Variants in ARHGEF3 observed in about 807,000 individuals in gnomAD.
The protein encoded by ARHGEF3 is 59.8 kDA protein.
Under a neutral mutation model 63.2 loss-of-function variants are expected in ARHGEF3, and 28 were observed. That is an observed-to-expected ratio of 0.44 (90% CI 0.33 to 0.61). The LOEUF is 0.61. Ranked by LOEUF, ARHGEF3 falls within the 20% of genes least tolerant of loss-of-function variation. The pLI, the probability that ARHGEF3 is intolerant of heterozygous loss-of-function variation, is 0.03. For missense variants in ARHGEF3, 533 were observed against 659.3 expected (o/e 0.81, Z 2.10); for synonymous variants, 266 against 254.2 (o/e 1.05, Z -0.44).
chr3:56,759,411 C>T (rs927883634), intron 2 of ARHGEF3, among the ~76,000 whole-genome samples: 1 of 152,150 alleles, frequency 6.6e-6, no homozygotes, highest in African/African-American at 2.4e-5. Context: ...CCTCGTGATC[C>T]GCCTGCCTTG....
intron 4 of ARHGEF3, among the ~76,000 whole-genome samples, chr3:56,832,910 T>G (rs1191468653): frequency 6.6e-6 from 1 of 152,258 alleles, no homozygotes; most frequent in Admixed American, 6.5e-5. Context: ...TTATTTTGCT[T>G]GGCATAGCGT....
intron 1 of ARHGEF3, among the ~76,000 whole-genome samples, chr3:56,787,478 A>C (rs2036877077): frequency 2.6e-5 from 4 of 152,168 alleles, no homozygotes; most frequent in Admixed American, 2.6e-4. Flanking sequence ...AGGGAAGCCT[A>C]GGAAAGGAAA....
chr3:57,044,009 C>T (rs1560157610), intron 1 of ARHGEF3, among the ~76,000 whole-genome samples: 1 of 152,196 alleles, frequency 6.6e-6, no homozygotes, highest in Non-Finnish European at 1.5e-5. Context: ...TTGTCAGCTC[C>T]ACCACTCACA....
intron 1 of ARHGEF3, among the ~76,000 whole-genome samples, chr3:56,778,357 A>G (rs777111684): frequency 1.3e-5 from 2 of 152,218 alleles, no homozygotes; most frequent in Non-Finnish European, 2.9e-5. Flanking sequence ...GGCTGACTCC[A>G]GAGCCCATGC....
At chr3:56,883,724 C>G (rs1177911813) in intron 3 of ARHGEF3, among the ~76,000 whole-genome samples, 1 of 152,202 alleles carries the variant, frequency 6.6e-6, no homozygotes, top group Non-Finnish European at 1.5e-5. Context: ...AGTCCCTAAC[C>G]TGTGACTTGC....
intron 4 of ARHGEF3, among the ~76,000 whole-genome samples, chr3:56,861,739 T>C (rs1209482375): frequency 6.6e-6 from 1 of 151,828 alleles, no homozygotes; most frequent in Admixed American, 6.6e-5. Flanking sequence ...AAGAGTAGAG[T>C]CTGCCACTGC....
At chr3:56,878,745 G>A (rs1452939747) in intron 4 of ARHGEF3, among the ~76,000 whole-genome samples, 1 of 152,164 alleles carries the variant, frequency 6.6e-6, no homozygotes, top group Admixed American at 6.5e-5. Flanking sequence ...TCCCTGTTCT[G>A]TAAGAATAAC....
At chr3:56,961,081 G>A (rs1002121565) in intron 2 of ARHGEF3, among the ~76,000 whole-genome samples, 2 of 152,088 alleles carry the variant, frequency 1.3e-5, no homozygotes, top group African/African-American at 4.8e-5. Flanking sequence ...TTACAGATGT[G>A]CCCAGGACTA....
chr3:57,022,553 C>A (rs544182095), intron 2 of ARHGEF3, among the ~76,000 whole-genome samples: 1 of 152,178 alleles, frequency 6.6e-6, no homozygotes, highest in Non-Finnish European at 1.5e-5. Context: ...TTCTTGTGCT[C>A]TGCCACATTT....
intron 2 of ARHGEF3, among the ~76,000 whole-genome samples, chr3:56,973,178 G>A (rs1042503138): frequency 2.2e-4 from 34 of 151,952 alleles, no homozygotes; most frequent in South Asian, 2.1e-4. Flanking sequence ...CACCACGCCC[G>A]GCTAATTTTT....
At chr3:56,944,568 CTTTTTTTT>C (rs1205155655) in intron 3 of ARHGEF3, among the ~76,000 whole-genome samples, 8 of 65,834 alleles carry the variant, frequency 1.2e-4, no homozygotes, top group African/African-American at 1.7e-4. Context: ...AAAGTGGTTT[CTTTTTTTT>C]TTTTTTTTTT....
chr3:56,960,000 T>C (rs145832831), intron 2 of ARHGEF3, among the ~76,000 whole-genome samples: 2 of 152,180 alleles, frequency 1.3e-5, no homozygotes, highest in Non-Finnish European at 2.9e-5. Flanking sequence ...CCCCAAAAGG[T>C]TGGTTACACA....
At chr3:56,845,540 T>A (rs985894583) in intron 4 of ARHGEF3, among the ~76,000 whole-genome samples, 1 of 152,224 alleles carries the variant, frequency 6.6e-6, no homozygotes, top group Non-Finnish European at 1.5e-5. Flanking sequence ...CTATATTTTG[T>A]GTTTCTTTGT....
intron 1 of ARHGEF3, among the ~76,000 whole-genome samples, chr3:56,799,219 C>T (rs1436365005): frequency 6.6e-6 from 1 of 152,122 alleles, no homozygotes; most frequent in African/African-American, 2.4e-5. Context: ...TGCCTGTTCC[C>T]CAGGAGCCTT....
chr3:57,021,588 A>G (rs1000771075), intron 2 of ARHGEF3, among the ~76,000 whole-genome samples: 2 of 152,168 alleles, frequency 1.3e-5, no homozygotes, highest in East Asian at 3.9e-4. Flanking sequence ...CCCCATCTCT[A>G]CTAAAATACA....
chr3:56,914,502 GT>G (rs2041934972), intron 3 of ARHGEF3, among the ~76,000 whole-genome samples: 1 of 152,256 alleles, frequency 6.6e-6, no homozygotes, highest in African/African-American at 2.4e-5. Context: ...AATACAGAGG[GT>G]AGTTTTCAAT....
chr3:57,019,866 G>A (rs1417688181), intron 2 of ARHGEF3, among the ~76,000 whole-genome samples: 2 of 152,234 alleles, frequency 1.3e-5, no homozygotes, highest in African/African-American at 4.8e-5. Flanking sequence ...CACGGATGAT[G>A]CCTTAACTCT....
intron 3 of ARHGEF3, among the ~76,000 whole-genome samples, chr3:56,945,139 G>A (rs1699415318): frequency 6.6e-6 from 1 of 152,120 alleles, no homozygotes; most frequent in Admixed American, 6.6e-5. Context: ...GCCAGGGGTG[G>A]AGCCAAGATG....
chr3:56,891,842 G>A (rs2041132793), intron 3 of ARHGEF3, among the ~76,000 whole-genome samples: 1 of 152,132 alleles, frequency 6.6e-6, no homozygotes. Flanking sequence ...AGGCACCGGG[G>A]GGAAAATCAT....
Sources: gnomAD v4.1 joint callset for allele counts (sites outside exome capture counted in the v4.1 genomes callset) on GRCh38, gnomAD v4.1.1 for gene constraint, MANE v1.5 for transcripts, NCBI Gene and HGNC (gene_info 2026-07-23, HGNC 2026-07-21) for gene names.